The following CDH23 variants were observed in gnomAD, a reference collection of about 807,000 sequenced individuals.
The protein encoded by CDH23 is cadherin-23.
In CDH23, 189 loss-of-function variants were observed where a neutral mutation model predicts 317.1. The ratio of observed to expected loss-of-function variants is 0.60; its 90% CI spans 0.53 to 0.67. CDH23 has a LOEUF of 0.67. Among genes scored for constraint, CDH23 ranks in the 30% least tolerant of loss-of-function variants. The probability of loss-of-function intolerance (pLI) is 0.00; values close to 1 mark genes in which losing one functional copy is unlikely to be tolerated. For synonymous variants in CDH23, 1,839 were observed against 1,876.8 expected (o/e 0.98, Z 0.52); for missense variants, 4,401 against 4,592.4 (o/e 0.96, Z 1.20).
At chr10:71,734,834 G>A (rs1839509997) in intron 34 of CDH23, among the ~76,000 whole-genome samples, 176 bp downstream of exon 34, 1 of 152,226 alleles carries the variant, frequency 6.6e-6, no homozygotes, top group Admixed American at 6.5e-5. Flanking sequence ...CCCCTCTGGG[G>A]CATGTCCCCT....
intron 1 of CDH23, among the ~76,000 whole-genome samples, chr10:71,434,283 G>A (rs1386275953): frequency 6.6e-6 from 1 of 152,174 alleles, no homozygotes; most frequent in African/African-American, 2.4e-5. Context: ...CCCAACACTG[G>A]ATGACTCACT....
intron 28 of CDH23, chr10:71,716,187 T>A: frequency 1.9e-6 from 3 of 1,550,650 alleles, no homozygotes; most frequent in Non-Finnish European, 2.6e-6. Context: ...AGCAGACAGG[T>A]GGCCAGCAGG....
chr10:71,456,191 G>A (rs1850685908), intron 3 of CDH23, among the ~76,000 whole-genome samples: 1 of 150,578 alleles, frequency 6.6e-6, no homozygotes, highest in Non-Finnish European at 1.5e-5. Flanking sequence ...CTGTGGTTTT[G>A]GAGGAAGGAG....
intron 9 of CDH23, among the ~76,000 whole-genome samples, chr10:71,588,884 C>T (rs889794020): frequency 2.0e-4 from 30 of 152,322 alleles, no homozygotes; most frequent in African/African-American, 7.0e-4. Context: ...ATCTCCTGGG[C>T]GCCCATGACC....
intron 6 of CDH23, among the ~76,000 whole-genome samples, chr10:71,549,751 A>C (rs1407095103): frequency 6.6e-6 from 1 of 152,206 alleles, no homozygotes; most frequent in African/African-American, 2.4e-5. Context: ...TCTCCAAGGT[A>C]GTTTCTTGGG....
intron 1 of CDH23, among the ~76,000 whole-genome samples, chr10:71,432,342 G>GGT (rs68003108): frequency 0.84 from 123,401 of 146,824 alleles, 52,157 homozygotes; most frequent in African/African-American, 0.94. Context: ...GTGTGTGTGC[G>GGT]GTGTGTGAGT....
At chr10:71,540,586 C>G (rs770104218) in intron 6 of CDH23, among the ~76,000 whole-genome samples, 1 of 152,106 alleles carries the variant, frequency 6.6e-6, no homozygotes, top group Non-Finnish European at 1.5e-5. Flanking sequence ...CACTTCTTCC[C>G]TGCTCTTTTG....
At chr10:71,759,898 C>T (rs867881569) in intron 38 of CDH23, among the ~76,000 whole-genome samples, 27 of 50,712 alleles carry the variant, frequency 5.3e-4, no homozygotes, top group Non-Finnish European at 6.9e-4. Flanking sequence ...TACACACACA[C>T]ATATATACAC....
intron 14 of CDH23, among the ~76,000 whole-genome samples, chr10:71,669,338 T>A (rs1163044454): frequency 6.6e-6 from 1 of 152,218 alleles, no homozygotes; most frequent in Non-Finnish European, 1.5e-5. Context: ...GCCAGCAGCC[T>A]CAGTGACCTT....
At chr10:71,704,878 C>A in intron 24 of CDH23, 33 bp from the exon 25 acceptor site, 3 of 1,544,868 alleles carry the variant, frequency 1.9e-6, no homozygotes, top group Non-Finnish European at 2.7e-6. Flanking sequence ...AGTGTCCCCT[C>A]CCCACCCTCA....
intron 38 of CDH23, chr10:71,753,145 A>C: frequency 1.1e-6 from 1 of 895,618 alleles, no homozygotes; most frequent in Non-Finnish European, 1.6e-6. Flanking sequence ...ATTTCTTTTC[A>C]CATGGGTGCT....
chr10:71,721,576 G>T (rs1347338201), intron 28 of CDH23, among the ~76,000 whole-genome samples: 1 of 152,170 alleles, frequency 6.6e-6, no homozygotes, highest in East Asian at 1.9e-4. Flanking sequence ...ATTCATGCTT[G>T]GGTGTGCCTG....
intron 3 of CDH23, among the ~76,000 whole-genome samples, chr10:71,480,656 G>A (rs1020375635): frequency 5.3e-5 from 8 of 152,200 alleles, no homozygotes; most frequent in Non-Finnish European, 1.0e-4. Context: ...TGGCGTCCAC[G>A]ACCTGTGAGC....
intron 3 of CDH23, among the ~76,000 whole-genome samples, chr10:71,472,988 C>T (rs1453127116): frequency 6.6e-6 from 1 of 152,190 alleles, no homozygotes; most frequent in Non-Finnish European, 1.5e-5. Flanking sequence ...GTAGGTGTAT[C>T]TGTTACTTCC....
intron 38 of CDH23, 112 bp from the exon 39 acceptor site, chr10:71,777,568 C>A (rs1840843426): frequency 1.1e-6 from 1 of 888,854 alleles, no homozygotes; most frequent in African/African-American, 1.7e-5. Flanking sequence ...CTTCTCCTTG[C>A]CCTTTCTGTT....
intron 9 of CDH23, among the ~76,000 whole-genome samples, chr10:71,607,647 A>G (rs966881728): frequency 1.3e-5 from 2 of 152,208 alleles, no homozygotes; most frequent in African/African-American, 4.8e-5. Context: ...TCACGCCTGT[A>G]ATCCCAGCAC....
At chr10:71,619,172 T>C (rs1006407880) in intron 11 of CDH23, among the ~76,000 whole-genome samples, 1 of 151,890 alleles carries the variant, frequency 6.6e-6, no homozygotes, top group South Asian at 2.1e-4. Context: ...CCATCTCTAC[T>C]AAAAATACAA....
In CDH23 at chr10:71,755,433, C is replaced by T. The variant is rs1840113581; in HGVS notation, c.4845+13512C>T. 3 of 1,613,040 alleles carry T rather than the reference C, an allele frequency of 1.9e-6. No individual in the cohort carries two copies. The African/African-American group carries it at 4.0e-5, about 22-fold the overall frequency. ...GGGGAGGCAGAGGATTCCTACGATGCAGGCACCCGTAGCCAGGGCTGCAGC... is the reference window on the plus strand; with the variant it reads ...GGGGAGGCAGAGGATTCCTACGATGTAGGCACCCGTAGCCAGGGCTGCAGC... On this transcript the variant is annotated intron_variant, in intron 38 of 69. Transcript: ENST00000224721.
chr10:71,425,892 G>A (rs1183571351), intron 1 of CDH23, among the ~76,000 whole-genome samples: 2 of 152,270 alleles, frequency 1.3e-5, no homozygotes, highest in Admixed American at 1.3e-4. Context: ...GGAGGACACA[G>A]GATGGAAGCT....
Sources: allele counts gnomAD v4.1 joint callset (sites outside exome capture counted in the v4.1 genomes callset), GRCh38; gene constraint gnomAD v4.1.1; transcripts MANE v1.5; gene names NCBI Gene and HGNC (gene_info 2026-07-23, HGNC 2026-07-21).